Variants in TBC1D22A observed in about 807,000 individuals in gnomAD.
The protein encoded by TBC1D22A is TBC1 domain family member 22A, also known as putative GTPase activator.
Under a neutral mutation model 60.2 loss-of-function variants are expected in TBC1D22A, and 38 were observed. The observed-to-expected ratio is 0.63, with a 90% CI of 0.49 to 0.83. The LOEUF is 0.83. TBC1D22A is among the 40% of genes least tolerant of loss of function. The pLI is 0.00. For missense variants in TBC1D22A, 628 were observed against 701.0 expected (o/e 0.90, Z 1.18); for synonymous variants, 302 against 281.7 (o/e 1.07, Z -0.72).
At chr22:46,817,479 C>A (rs1027290866) in intron 4 of TBC1D22A, among the ~76,000 whole-genome samples, 1 of 152,142 alleles carries the variant, frequency 6.6e-6, no homozygotes, top group Non-Finnish European at 1.5e-5. Flanking sequence ...TTGTTCAACT[C>A]CCAGCTATGA....
rs550261199 is a variant in TBC1D22A, at chr22:47,096,757, G to A, written c.1330-14751G>A. ...GAATTGCTTGAACCTGGGAGGTGGA[G>A]GTTGCAGTGAGCCGAGATTGTGCCA... is the stretch of plus-strand genomic sequence containing the variant. On this transcript the variant is annotated intron_variant, in intron 11 of 12. Transcript: ENST00000337137. 6.6e-5 allele frequency among the ~76,000 whole-genome samples: 10 copies of A among 152,344 alleles called. No individual in the cohort carries two copies. In the East Asian group the frequency reaches 1.2e-3, roughly 18 times the overall value.
At chr22:46,870,892 C>G (rs1006443953) in intron 4 of TBC1D22A, among the ~76,000 whole-genome samples, 3 of 152,188 alleles carry the variant, frequency 2.0e-5, no homozygotes, top group Admixed American at 2.0e-4. Context: ...AAGGCCACCT[C>G]CCAACACTGT....
intron 10 of TBC1D22A, among the ~76,000 whole-genome samples, chr22:47,029,809 C>T (rs970153886): frequency 5.9e-5 from 9 of 152,270 alleles, no homozygotes; most frequent in African/African-American, 2.2e-4. Flanking sequence ...GCTGTCCCAT[C>T]GGAGGCCTTG....
intron 4 of TBC1D22A, among the ~76,000 whole-genome samples, chr22:46,833,763 G>A (rs919724475): frequency 1.3e-5 from 2 of 152,182 alleles, no homozygotes; most frequent in African/African-American, 4.8e-5. Context: ...TGGTTCCAGA[G>A]CAGTGAAAGG....
At chr22:46,820,182 A>G (rs2147091540) in intron 4 of TBC1D22A, among the ~76,000 whole-genome samples, 1 of 152,132 alleles carries the variant, frequency 6.6e-6, no homozygotes, top group South Asian at 2.1e-4. Context: ...TCAATAACCC[A>G]GCTCCTGGAT....
rs1008943021 is a variant in TBC1D22A at position 46,853,773 on chromosome 22, C to T, written c.638-24880C>T. 2.0e-5 allele frequency among the ~76,000 whole-genome samples: 3 copies of T among 152,106 alleles called. 1 individual carries two copies. In the East Asian group the frequency reaches 5.8e-4, roughly 29 times the overall value. ...AACAGATACTTACTGAGCACTCACT[C>T]GAGGCAGGGCCTCGTCCTCTGGGCC... On this transcript the variant is annotated intron_variant, in intron 4 of 12. Transcript: ENST00000337137.
At chr22:47,012,878 G>A (rs1436616236) in intron 10 of TBC1D22A, among the ~76,000 whole-genome samples, 6 of 152,150 alleles carry the variant, frequency 3.9e-5, no homozygotes, top group African/African-American at 1.4e-4. Flanking sequence ...ATCCTTCCAG[G>A]CCTGTACTTA....
intron 8 of TBC1D22A, among the ~76,000 whole-genome samples, chr22:46,918,073 C>T (rs138594254): frequency 6.6e-6 from 1 of 152,308 alleles, no homozygotes; most frequent in East Asian, 1.9e-4. Context: ...CGTAATGGCA[C>T]CAGTCCCTTG....
chr22:47,008,772 T>C (rs540660748), intron 10 of TBC1D22A, among the ~76,000 whole-genome samples: 1 of 152,254 alleles, frequency 6.6e-6, no homozygotes, highest in East Asian at 1.9e-4. Context: ...AGGAGAGCCT[T>C]CTGTCCCTTC....
intron 12 of TBC1D22A, among the ~76,000 whole-genome samples, chr22:47,172,807 G>T (rs1275153909): frequency 6.6e-6 from 1 of 152,250 alleles, no homozygotes; most frequent in African/African-American, 2.4e-5. Context: ...GTTTGGTGGA[G>T]CCCTGCACCC....
chr22:46,956,214 T>A (rs972157501), intron 8 of TBC1D22A, among the ~76,000 whole-genome samples: 2 of 152,024 alleles, frequency 1.3e-5, no homozygotes, highest in African/African-American at 4.8e-5. Context: ...GGAGATAGGG[T>A]CTTTAAAGAG....
In TBC1D22A at chr22:46,793,912, C is replaced by G. The variant is rs528294129; in HGVS notation, c.460+71C>G. On this transcript the variant is annotated intron_variant, in intron 3 of 12. Coordinates refer to ENST00000337137, the MANE Select transcript of TBC1D22A (RefSeq NM_014346.5). Reference sequence around the variant, plus strand: ...TAAGAAAGTGGCCAGAACACACTCACTGTGGGAGAATCAGTGGGTTCCCAT... The same window carrying G: ...TAAGAAAGTGGCCAGAACACACTCAGTGTGGGAGAATCAGTGGGTTCCCAT... 11 of 1,379,118 alleles carry G rather than the reference C, an allele frequency of 8.0e-6. No individual in the cohort carries two copies. The Admixed American group carries it at 8.2e-5, about 10-fold the overall frequency. 85.4% of individuals were successfully genotyped at this position (1,379,118 alleles called of 1,614,324 possible).
At chr22:46,956,138 G>A (rs1018340488) in intron 8 of TBC1D22A, among the ~76,000 whole-genome samples, 1 of 152,092 alleles carries the variant, frequency 6.6e-6, no homozygotes, top group Admixed American at 6.6e-5. Context: ...GAATGTTAGG[G>A]GGCTGAATTG....
In TBC1D22A at chr22:47,175,258, A is replaced by G. The variant is rs2068642598; in HGVS notation, c.*1632A>G. On this transcript the variant is annotated 3_prime_UTR_variant, in exon 13 of 13. Transcript: ENST00000337137. Reference sequence around the variant, plus strand: ...TTCACATCAGATGCGGGCACGCCTTACCCCTGCCTTCCGTGTCCCCACCCC... The same window carrying G: ...TTCACATCAGATGCGGGCACGCCTTGCCCCTGCCTTCCGTGTCCCCACCCC... 1 of 152,288 alleles carries G rather than the reference A, an allele frequency of 6.6e-6. No homozygotes were observed. Among genetic ancestry groups the G allele is most frequent in the African/African-American group, 2.4e-5 (1 of 41,428 alleles). 9.4% of individuals were successfully genotyped at this position (152,288 alleles called of 1,614,324 possible).
At chr22:46,861,602 G>A (rs1365876624) in intron 4 of TBC1D22A, among the ~76,000 whole-genome samples, 3 of 152,210 alleles carry the variant, frequency 2.0e-5, no homozygotes, top group African/African-American at 7.2e-5. Context: ...TCACTGGGGT[G>A]GCCACCTGGG....
intron 6 of TBC1D22A, among the ~76,000 whole-genome samples, chr22:46,893,837 T>A (rs550379511): frequency 8.5e-5 from 13 of 152,226 alleles, no homozygotes; most frequent in Non-Finnish European, 1.9e-4. Flanking sequence ...CAGATGTGTG[T>A]GTGTGCCTCA....
intron 12 of TBC1D22A, among the ~76,000 whole-genome samples, chr22:47,171,799 G>A (rs1474858039): frequency 6.6e-6 from 1 of 152,224 alleles, no homozygotes; most frequent in East Asian, 1.9e-4. Flanking sequence ...TGTGGCCTCA[G>A]TGGACGTAGG....
intron 4 of TBC1D22A, among the ~76,000 whole-genome samples, chr22:46,844,239 G>A (rs977020450): frequency 5.3e-5 from 8 of 151,916 alleles, no homozygotes; most frequent in African/African-American, 1.9e-4. Flanking sequence ...GCCATGCCAC[G>A]GTGCCCATGT....
intron 12 of TBC1D22A, among the ~76,000 whole-genome samples, chr22:47,135,330 T>C (rs1029674009): frequency 2.0e-5 from 3 of 152,158 alleles, no homozygotes; most frequent in African/African-American, 7.2e-5. Context: ...CAGCCATGTA[T>C]CAAGCACGGG....
Sources: allele counts gnomAD v4.1 joint callset (sites outside exome capture counted in the v4.1 genomes callset), GRCh38; gene constraint gnomAD v4.1.1; transcripts MANE v1.5; gene names NCBI Gene and HGNC (gene_info 2026-07-23, HGNC 2026-07-21).